Variants in TAB2 observed in about 807,000 individuals in gnomAD.
The protein encoded by TAB2 is TGF-beta-activated kinase 1 and MAP3K7-binding protein 2.
TAB2 carries 3 observed loss-of-function variants against 65.0 expected under a neutral mutation model. The ratio of observed to expected loss-of-function variants is 0.05; its 90% confidence interval spans 0.02 to 0.12. The LOEUF is 0.12. Ranked by LOEUF, TAB2 falls within the 10% of genes least tolerant of loss-of-function variation. The probability of loss-of-function intolerance (pLI) is 1.00; values close to 1 mark genes in which losing one functional copy is unlikely to be tolerated. For synonymous variants in TAB2, 298 were observed against 285.1 expected, an observed-to-expected ratio of 1.05 and a Z score of -0.46; for missense variants, 623 against 840.3, an observed-to-expected ratio of 0.74 and a Z score of 3.20.
intron 1 of TAB2, among the ~76,000 whole-genome samples, chr6:149,340,793 T>A (rs1780097179): frequency 1.3e-5 from 2 of 152,196 alleles, no homozygotes; most frequent in Admixed American, 1.3e-4. Context: ...CACTTCCATG[T>A]TAACTTTTTA....
At chr6:149,312,919 T>C (rs1196986412), upstream of TAB2, among the ~76,000 whole-genome samples, 1 of 152,188 alleles carries the variant, frequency 6.6e-6, no homozygotes, top group African/African-American at 2.4e-5. Flanking sequence ...GTCACCATGT[T>C]GCATAATAAA....
intron 1 of TAB2, among the ~76,000 whole-genome samples, chr6:149,263,094 C>A (rs1778188439): frequency 6.6e-6 from 1 of 152,140 alleles, no homozygotes; most frequent in Non-Finnish European, 1.5e-5. Context: ...CATGAGCCAC[C>A]ACACCTGGCC....
chr6:149,404,294 A>G (rs1354280215), intron 6 of TAB2, among the ~76,000 whole-genome samples: 1 of 151,992 alleles, frequency 6.6e-6, no homozygotes, highest in Non-Finnish European at 1.5e-5. Context: ...TAAAGAAGAC[A>G]CAGATAAATA....
intron 3 of TAB2, among the ~76,000 whole-genome samples, chr6:149,383,229 GCAC>G (rs1268803977): frequency 2.0e-5 from 3 of 152,096 alleles, no homozygotes; most frequent in African/African-American, 7.2e-5. Context: ...GAAGTAGAGA[GCAC>G]TTTCAGAGGA....
intron 1 of TAB2, among the ~76,000 whole-genome samples, chr6:149,350,189 C>T (rs756196171): frequency 5.3e-5 from 8 of 152,178 alleles, no homozygotes; most frequent in South Asian, 2.1e-4. Context: ...ACCTCAGCCT[C>T]CCAAAGTGCT....
chr6:149,398,143 C>A, intron 5 of TAB2, 81 bp downstream of exon 5: 1 of 1,140,796 alleles, frequency 8.8e-7, no homozygotes, highest in South Asian at 1.3e-5. Flanking sequence ...ACAGACTTAT[C>A]AATCATAATC....
At chr6:149,303,732 G>T (rs1276087111) in intron 1 of TAB2, among the ~76,000 whole-genome samples, 1 of 152,134 alleles carries the variant, frequency 6.6e-6, no homozygotes, top group Admixed American at 6.5e-5. Context: ...CATTTTACTG[G>T]ACTGTTTAAA....
chr6:149,405,108 A>ATT (rs1229247836), intron 6 of TAB2, among the ~76,000 whole-genome samples: 1 of 152,256 alleles, frequency 6.6e-6, no homozygotes, highest in East Asian at 1.9e-4. Flanking sequence ...GCAAAGAACC[A>ATT]GAATAGACAT....
intron 1 of TAB2, among the ~76,000 whole-genome samples, chr6:149,266,761 T>G (rs1274987872): frequency 6.6e-6 from 1 of 152,164 alleles, no homozygotes; most frequent in East Asian, 1.9e-4. Context: ...GAGGCCATAA[T>G]GAACCTCTGG....
At chr6:149,382,112 C>G (rs1251215176) in intron 3 of TAB2, among the ~76,000 whole-genome samples, 1 of 152,176 alleles carries the variant, frequency 6.6e-6, no homozygotes, top group East Asian at 1.9e-4. Flanking sequence ...GCAGCTTCTC[C>G]CCCCAGCTCT....
intron 1 of TAB2, among the ~76,000 whole-genome samples, chr6:149,266,529 G>A (rs1005592110): frequency 3.9e-5 from 6 of 152,138 alleles, no homozygotes; most frequent in Admixed American, 1.3e-4. Context: ...GAAGGCTAAC[G>A]GAGAGACTGG....
chr6:149,277,921 A>G (rs776900984), intron 1 of TAB2, among the ~76,000 whole-genome samples: 4 of 151,150 alleles, frequency 2.6e-5, no homozygotes, highest in Non-Finnish European at 5.9e-5. Flanking sequence ...ATGATTTGTG[A>G]CACATTTAGT....
chr6:149,285,097 T>C (rs933323587), intron 1 of TAB2, among the ~76,000 whole-genome samples: 2 of 152,232 alleles, frequency 1.3e-5, no homozygotes, highest in African/African-American at 4.8e-5. Context: ...CACTGACTCA[T>C]ATCTCTGTGA....
At chr6:149,290,598 C>T (rs2114694154) in intron 1 of TAB2, among the ~76,000 whole-genome samples, 1 of 152,250 alleles carries the variant, frequency 6.6e-6, no homozygotes, top group Middle Eastern at 3.4e-3. Context: ...AATACCAGCA[C>T]TCTGGGAGGC....
upstream of TAB2, chr6:149,317,700 C>G (rs980336005): frequency 6.3e-6 from 1 of 158,830 alleles, no homozygotes; most frequent in African/African-American, 2.4e-5. This position sits in a 1 kb window ranked among gnomAD's most constrained non-coding sequence, Gnocchi z 4.7. Context: ...GGAGCGGCGA[C>G]GCCGCCCAGC....
intron 1 of TAB2, among the ~76,000 whole-genome samples, chr6:149,238,321 CTCT>C (rs1777537096): frequency 6.6e-6 from 1 of 152,182 alleles, no homozygotes; most frequent in Non-Finnish European, 1.5e-5. Flanking sequence ...CATCTGGCTC[CTCT>C]TCTTCTCTAC....
In TAB2 at chr6:149,398,102, T is replaced by G. The variant is rs139031015; in HGVS notation, c.1858+40T>G. 2.5e-4 allele frequency: 392 copies of G among 1,545,190 alleles called. 2 individuals carry two copies. In the African/African-American group the frequency reaches 4.6e-3, roughly 18 times the overall value. ...ATTTGTAGCTGAAATTCATCGTATTTAATTCACCAGCAGTTTTTCTGTGGC... is the reference window on the plus strand; with the variant it reads ...ATTTGTAGCTGAAATTCATCGTATTGAATTCACCAGCAGTTTTTCTGTGGC... On this transcript the variant is annotated intron_variant, in intron 5 of 6. Coordinates refer to ENST00000637181, the MANE Select transcript of TAB2 (RefSeq NM_001292034.3).
intron 1 of TAB2, among the ~76,000 whole-genome samples, chr6:149,346,937 A>G (rs1780326071): frequency 6.6e-6 from 1 of 152,012 alleles, no homozygotes; most frequent in African/African-American, 2.4e-5. Context: ...TTTCCCTTTT[A>G]CCCATAAATA....
chr6:149,381,605 G>T (rs903707795), intron 3 of TAB2, among the ~76,000 whole-genome samples: 2 of 118,596 alleles, frequency 1.7e-5, no homozygotes, highest in African/African-American at 6.7e-5. Flanking sequence ...ACAGGGTCTC[G>T]CTCTTTCGTC....
Sources: gnomAD v4.1 joint callset for allele counts (sites outside exome capture counted in the v4.1 genomes callset) on GRCh38, gnomAD v4.1.1 for gene constraint, Gnocchi (gnomAD v3.1) non-coding constraint, MANE v1.5 for transcripts, NCBI Gene and HGNC (gene_info 2026-07-23, HGNC 2026-07-21) for gene names.